Variants in PTPN13 observed in about 807,000 individuals in gnomAD.
The protein encoded by PTPN13 is tyrosine-protein phosphatase non-receptor type 13.
A neutral mutation model predicts 284.0 loss-of-function variants in PTPN13; 191 were observed. The observed-to-expected ratio is 0.67, with a 90% CI of 0.60 to 0.76. The LOEUF (loss-of-function observed/expected upper bound fraction) is 0.76. PTPN13 is among the 30% of genes least tolerant of loss of function. The pLI is 0.00. For missense variants in PTPN13, 2,797 were observed against 2,939.9 expected, an observed-to-expected ratio of 0.95 and a Z score of 1.12; for synonymous variants, 986 against 1,022.3, an observed-to-expected ratio of 0.96 and a Z score of 0.68.
chr4:86,706,508 G>T (rs556753332), intron 7 of PTPN13, among the ~76,000 whole-genome samples: 1 of 152,150 alleles, frequency 6.6e-6, no homozygotes, highest in Non-Finnish European at 1.5e-5. Flanking sequence ...GGTTAAGGTG[G>T]AACTCCATTA....
chr4:86,630,325 C>T (rs765682930), intron 1 of PTPN13, among the ~76,000 whole-genome samples: 4 of 152,048 alleles, frequency 2.6e-5, no homozygotes, highest in Non-Finnish European at 5.9e-5. Flanking sequence ...TTATGTATAG[C>T]AAGCCTTTAA....
At chr4:86,681,860 C>G (rs550300337) in intron 3 of PTPN13, among the ~76,000 whole-genome samples, 1 of 151,466 alleles carries the variant, frequency 6.6e-6, no homozygotes. Context: ...ACCCAGGAGG[C>G]GAAGGTTGCA....
intron 28 of PTPN13, among the ~76,000 whole-genome samples, chr4:86,768,233 CA>C (rs1438371686): frequency 2.6e-5 from 4 of 152,062 alleles, no homozygotes; most frequent in African/African-American, 9.7e-5. Context: ...TTGTAAAATT[CA>C]AAATAGAATT....
chr4:86,766,762 ATGGGGGAGGGATG>A, intron 27 of PTPN13: 1 of 318,980 alleles, frequency 3.1e-6, no homozygotes, highest in Non-Finnish European at 5.7e-6. Context: ...AAGAGATCTG[ATGGGGGAGGGATG>A]GAAATTGCAT....
At chr4:86,708,757 T>G (rs1195247618) in intron 7 of PTPN13, among the ~76,000 whole-genome samples, 1 of 152,140 alleles carries the variant, frequency 6.6e-6, no homozygotes, top group Non-Finnish European at 1.5e-5. Flanking sequence ...CGTGCAAGTT[T>G]GAATACCTTT....
intron 2 of PTPN13, among the ~76,000 whole-genome samples, chr4:86,670,741 G>A (rs1008816850): frequency 2.0e-5 from 3 of 152,102 alleles, no homozygotes; most frequent in Admixed American, 2.0e-4. Flanking sequence ...GTTTTGAATG[G>A]TATCTTTTTG....
chr4:86,790,928 C>T (rs765780064), intron 40 of PTPN13, among the ~76,000 whole-genome samples: 9 of 152,110 alleles, frequency 5.9e-5, no homozygotes, highest in South Asian at 2.1e-4. Flanking sequence ...ACGAAATCGA[C>T]GCAGAAGACA....
intron 9 of PTPN13, among the ~76,000 whole-genome samples, chr4:86,720,230 C>G (rs947896330): frequency 6.6e-6 from 1 of 152,014 alleles, no homozygotes; most frequent in East Asian, 1.9e-4. Context: ...CATATTCAAG[C>G]GAAATTAAAT....
intron 13 of PTPN13, 83 bp downstream of exon 13, chr4:86,734,539 T>C (rs958978493): frequency 5.3e-6 from 7 of 1,322,040 alleles, no homozygotes; most frequent in South Asian, 3.3e-5. Context: ...AATTACTTGA[T>C]TCCAATCAAT....
intron 2 of PTPN13, among the ~76,000 whole-genome samples, chr4:86,657,805 G>A (rs899282580): frequency 2.0e-5 from 3 of 152,162 alleles, no homozygotes; most frequent in Non-Finnish European, 2.9e-5. Flanking sequence ...TGGGGGCTTC[G>A]GGAATCTGCT....
intron 7 of PTPN13, among the ~76,000 whole-genome samples, chr4:86,709,237 G>C (rs17012014): frequency 6.6e-6 from 1 of 151,846 alleles, no homozygotes. Context: ...CAAAGCTTTC[G>C]GACACTGATG....
At chr4:86,766,602 T>G in intron 27 of PTPN13, 85 bp downstream of exon 27, 90 of 951,502 alleles carry the variant, frequency 9.5e-5, no homozygotes, top group Non-Finnish European at 1.3e-4. Context: ...TTGAGATCTC[T>G]AAATTTGTCA....
intron 27 of PTPN13, 121 bp downstream of exon 27, chr4:86,766,638 T>C (rs1739348148): frequency 3.2e-6 from 2 of 619,372 alleles, no homozygotes; most frequent in South Asian, 3.1e-5. Flanking sequence ...AAGCCTGATA[T>C]ATATAACCAT....
intron 2 of PTPN13, among the ~76,000 whole-genome samples, chr4:86,666,437 A>G (rs1410957817): frequency 6.6e-6 from 1 of 152,120 alleles, no homozygotes; most frequent in East Asian, 1.9e-4. Context: ...TTAGAAGAGC[A>G]GCTTAAAAAG....
At chr4:86,657,316 G>T (rs190783343) in intron 2 of PTPN13, among the ~76,000 whole-genome samples, 2 of 152,282 alleles carry the variant, frequency 1.3e-5, no homozygotes, top group African/African-American at 2.4e-5. Flanking sequence ...CGTCGCTCAC[G>T]CTGGGAGCTA....
intron 23 of PTPN13, among the ~76,000 whole-genome samples, chr4:86,760,351 T>C (rs1272364412): frequency 1.3e-5 from 2 of 152,192 alleles, no homozygotes; most frequent in African/African-American, 4.8e-5. Context: ...AAATTTTACA[T>C]TGGGTCCCAT....
chr4:86,640,978 C>T (rs111719806), intron 2 of PTPN13, among the ~76,000 whole-genome samples: 1 of 152,056 alleles, frequency 6.6e-6, no homozygotes, highest in African/African-American at 2.4e-5. Flanking sequence ...TGAAGATTAC[C>T]AATTGTTATG....
chr4:86,755,060 G>A (rs540634732), intron 20 of PTPN13, among the ~76,000 whole-genome samples: 1 of 152,128 alleles, frequency 6.6e-6, no homozygotes, highest in Non-Finnish European at 1.5e-5. Context: ...ACTTGCCCAT[G>A]CCTCAAATAT....
intron 46 of PTPN13, among the ~76,000 whole-genome samples, 171 bp downstream of exon 46, chr4:86,810,155 C>CA (rs1745069214): frequency 6.6e-6 from 1 of 152,006 alleles, no homozygotes; most frequent in African/African-American, 2.4e-5. Flanking sequence ...CATTGGTATT[C>CA]AAAACTACAT....
Sources: allele counts gnomAD v4.1 joint callset (sites outside exome capture counted in the v4.1 genomes callset), GRCh38; gene constraint gnomAD v4.1.1; transcripts MANE v1.5; gene names NCBI Gene and HGNC (gene_info 2026-07-23, HGNC 2026-07-21).